ATRN: variants seen among roughly 807,000 people sequenced by gnomAD.
ATRN encodes attractin.
ATRN carries 54 observed loss-of-function variants against 178.7 expected under a neutral mutation model. The observed-to-expected ratio is 0.30, with a 90% confidence interval of 0.24 to 0.38. ATRN has a LOEUF of 0.38. Among genes scored for constraint, ATRN ranks in the 10% least tolerant of loss-of-function variants. The pLI is 1.00. For missense variants in ATRN, 1,443 were observed against 1,815.1 expected (o/e 0.79, Z 3.73); for synonymous variants, 636 against 663.0 (o/e 0.96, Z 0.63).
At chr20:3,626,975 C>T (rs1475115092) in intron 25 of ATRN, among the ~76,000 whole-genome samples, 2 of 151,934 alleles carry the variant, frequency 1.3e-5, no homozygotes, top group South Asian at 2.1e-4. Flanking sequence ...TTAGCAGAGA[C>T]GGGGTTTCAC....
intron 5 of ATRN, 45 bp from the exon 6 acceptor site, chr20:3,549,124 CT>C: frequency 1.3e-6 from 2 of 1,488,934 alleles, no homozygotes; most frequent in Non-Finnish European, 1.8e-6. Context: ...ATGCAGTAAG[CT>C]TTAAAGCTGT....
chr20:3,572,691 G>T, intron 11 of ATRN, 40 bp from the exon 12 acceptor site: 2 of 1,514,354 alleles, frequency 1.3e-6, no homozygotes, highest in South Asian at 1.2e-5. Flanking sequence ...ATTGTTATCT[G>T]AGTCTCTAGT....
chr20:3,530,862 G>T lies in ATRN; in HGVS notation c.411-4391G>T, dbSNP rs186696793. ...AAGTAGAAAGAAATAACTATGAGAC[G>T]AGTCCTTTGAAACCTGCCTCCTGTT... On this transcript the variant is annotated intron_variant, in intron 1 of 28. Transcript: ENST00000262919. Among the ~76,000 whole-genome samples the T allele has an allele frequency of 1.8e-4, 27 of 152,174 alleles. 1 individual carries two copies. In the East Asian group the frequency reaches 5.0e-3, roughly 28 times the overall value.
At chr20:3,549,442 A>G (rs1417188950) in intron 6 of ATRN, 104 bp downstream of exon 6, 7 of 1,010,868 alleles carry the variant, frequency 6.9e-6, no homozygotes, top group Non-Finnish European at 9.6e-6. Context: ...TACTACCTAA[A>G]GAAAATCCCT....
In ATRN at chr20:3,596,445, A is replaced by G. The variant is rs756298947; in HGVS notation, c.3469+16A>G. 4.9e-5 allele frequency: 79 copies of G among 1,608,890 alleles called. No individual in the cohort carries two copies. The highest frequency in any genetic ancestry group is 6.5e-5 in the Non-Finnish European group (76 of 1,175,546). On this transcript the variant is annotated intron_variant, in intron 21 of 28. Coordinates refer to ENST00000262919, the MANE Select transcript of ATRN (RefSeq NM_139321.3). ...ACATGTTATTGTAAGTGGTTTTGCAATTCTTATTTCTAGAAGCAAAGTAGT... is the reference window on the plus strand; with the variant it reads ...ACATGTTATTGTAAGTGGTTTTGCAGTTCTTATTTCTAGAAGCAAAGTAGT...
At chr20:3,605,554 A>G (rs901979794) in intron 24 of ATRN, among the ~76,000 whole-genome samples, 2 of 152,236 alleles carry the variant, frequency 1.3e-5, no homozygotes, top group African/African-American at 4.8e-5. Flanking sequence ...GTACATATAC[A>G]CCATGGAATA....
intron 2 of ATRN, among the ~76,000 whole-genome samples, chr20:3,535,626 C>CACATAT (rs1491226542): frequency 2.6e-5 from 3 of 115,842 alleles, no homozygotes; most frequent in Non-Finnish European, 5.4e-5. Flanking sequence ...CACACACACA[C>CACATAT]ATATATATTT....
intron 11 of ATRN, among the ~76,000 whole-genome samples, chr20:3,567,329 A>G (rs2086051012): frequency 6.6e-6 from 1 of 152,218 alleles, no homozygotes; most frequent in Admixed American, 6.5e-5. Context: ...CATTTGCTAA[A>G]TGGCAGGTAT....
At chr20:3,556,877 G>T (rs944172000) in intron 6 of ATRN, among the ~76,000 whole-genome samples, 1 of 152,128 alleles carries the variant, frequency 6.6e-6, no homozygotes, top group African/African-American at 2.4e-5. Flanking sequence ...ATGGGGACCT[G>T]CCAGCACCTA....
intron 27 of ATRN, among the ~76,000 whole-genome samples, chr20:3,641,673 A>G (rs1430801729): frequency 1.3e-5 from 2 of 151,970 alleles, no homozygotes; most frequent in East Asian, 3.9e-4. Context: ...CAGAAGTCAG[A>G]AGAGAGTGAG....
At chr20:3,578,214 C>T (rs868306510) in intron 14 of ATRN, among the ~76,000 whole-genome samples, 72 of 152,270 alleles carry the variant, frequency 4.7e-4, no homozygotes, top group African/African-American at 1.6e-3. Flanking sequence ...GCAGTTTTTA[C>T]CCCAGCCCTC....
At chr20:3,523,367 A>T (rs2085321745) in intron 1 of ATRN, among the ~76,000 whole-genome samples, 1 of 152,076 alleles carries the variant, frequency 6.6e-6, no homozygotes, top group South Asian at 2.1e-4. Flanking sequence ...GATTAGAGAA[A>T]AAAGAATGAA....
intron 22 of ATRN, among the ~76,000 whole-genome samples, chr20:3,599,842 A>G (rs1180274578): frequency 6.6e-6 from 1 of 152,200 alleles, no homozygotes; most frequent in Non-Finnish European, 1.5e-5. Flanking sequence ...TCCTTTCAAG[A>G]TGAAGGTGAG....
intron 27 of ATRN, among the ~76,000 whole-genome samples, chr20:3,640,174 A>G (rs999519178): frequency 3.3e-5 from 5 of 152,246 alleles, no homozygotes; most frequent in Non-Finnish European, 2.9e-5. Flanking sequence ...CTGAAGAAGA[A>G]CCAAATGGAA....
At chr20:3,646,596 T>A in intron 28 of ATRN, 127 bp from the exon 29 acceptor site, 1 of 1,340,442 alleles carries the variant, frequency 7.5e-7, no homozygotes, top group East Asian at 2.6e-5. Flanking sequence ...TTGGGGGTTT[T>A]TTGTTCTGGT....
intron 24 of ATRN, among the ~76,000 whole-genome samples, chr20:3,622,989 T>A (rs187479220): frequency 6.6e-6 from 1 of 152,294 alleles, no homozygotes; most frequent in Non-Finnish European, 1.5e-5. Flanking sequence ...ATCCAGTGGT[T>A]TTTGGCATCT....
intron 1 of ATRN, among the ~76,000 whole-genome samples, chr20:3,496,691 T>A (rs1450344535): frequency 6.6e-6 from 1 of 152,174 alleles, no homozygotes; most frequent in East Asian, 1.9e-4. Flanking sequence ...AGAGCTGAGT[T>A]CAATTCCTGT....
rs763944125 is a variant in ATRN, at chr20:3,649,694, C to G, written c.*2847C>G. ...CCCTTTCTGGCAGCCTCTTGGTGCT[C>G]TGGGTAGTGAGGGATGACCAGTCTT... On this transcript the variant is annotated 3_prime_UTR_variant, in exon 29 of 29. Coordinates refer to ENST00000262919, the MANE Select transcript of ATRN (RefSeq NM_139321.3). 1 of 152,324 alleles carries G rather than the reference C, an allele frequency of 6.6e-6. No homozygotes were observed. The highest frequency in any genetic ancestry group is 1.5e-5 in the Non-Finnish European group (1 of 68,040). 9.4% of individuals were successfully genotyped at this position (152,324 alleles called of 1,614,324 possible).
intron 11 of ATRN, among the ~76,000 whole-genome samples, chr20:3,568,931 T>C (rs562325372): frequency 1.1e-4 from 16 of 152,258 alleles, no homozygotes; most frequent in Admixed American, 2.6e-4. Flanking sequence ...GCATAAAACA[T>C]GGCACTAGAT....
Sources: gnomAD v4.1 joint callset for allele counts (sites outside exome capture counted in the v4.1 genomes callset) on GRCh38, gnomAD v4.1.1 for gene constraint, MANE v1.5 for transcripts, NCBI Gene and HGNC (gene_info 2026-07-23, HGNC 2026-07-21) for gene names.